PPP1R12B: variants seen among roughly 807,000 people sequenced by gnomAD.
PPP1R12B encodes protein phosphatase 1 regulatory subunit 12B, also known as myosin phosphatase target subunit 2.
Under a neutral mutation model 126.1 loss-of-function variants are expected in PPP1R12B, and 76 were observed. The observed-to-expected ratio is 0.60, with a 90% CI of 0.50 to 0.73. PPP1R12B has a LOEUF of 0.73. Among genes scored for constraint, PPP1R12B ranks in the 30% least tolerant of loss-of-function variants. PPP1R12B has a pLI of 0.00. For synonymous variants in PPP1R12B, 356 were observed against 434.7 expected (o/e 0.82, Z 2.25); for missense variants, 1,052 against 1,205.1 (o/e 0.87, Z 1.88).
chr1:202,365,849 G>A (rs1659114911), intron 1 of PPP1R12B, among the ~76,000 whole-genome samples: 2 of 151,914 alleles, frequency 1.3e-5, no homozygotes, highest in Non-Finnish European at 2.9e-5. Context: ...AATTAGCTGG[G>A]CATGGTGGCA....
At chr1:202,481,480 A>T (rs1461550437) in intron 13 of PPP1R12B, among the ~76,000 whole-genome samples, 8 of 152,210 alleles carry the variant, frequency 5.3e-5, no homozygotes, top group Admixed American at 5.2e-4. Flanking sequence ...AAAGAAATTT[A>T]TGAAAATGTA....
intron 18 of PPP1R12B, among the ~76,000 whole-genome samples, chr1:202,535,580 G>A (rs773956776): frequency 6.6e-6 from 1 of 152,098 alleles, no homozygotes; most frequent in Non-Finnish European, 1.5e-5. Context: ...CTGTTGAGCC[G>A]ACTACCTGGT....
chr1:202,386,468 A>C (rs1269929854), intron 1 of PPP1R12B, among the ~76,000 whole-genome samples: 1 of 152,012 alleles, frequency 6.6e-6, no homozygotes, highest in East Asian at 1.9e-4. Context: ...AGTAGCTGGG[A>C]CTACAGGTGC....
intron 18 of PPP1R12B, among the ~76,000 whole-genome samples, chr1:202,525,731 G>A (rs1180257086): frequency 1.3e-5 from 2 of 151,192 alleles, no homozygotes; most frequent in Non-Finnish European, 2.9e-5. Flanking sequence ...GTCTTGCTCT[G>A]TTGCCCAGGC....
intron 13 of PPP1R12B, among the ~76,000 whole-genome samples, chr1:202,456,277 AAAAGAAAGAAAG>A (rs530699602): frequency 1.3e-4 from 19 of 151,914 alleles, no homozygotes; most frequent in Admixed American, 2.6e-4. Flanking sequence ...TCAAAAAAAA[AAAAGAAAGAAAG>A]AAAGAAAGAA....
At chr1:202,563,013 G>A in intron 20 of PPP1R12B, 91 bp downstream of exon 20, 1 of 1,358,860 alleles carries the variant, frequency 7.4e-7, no homozygotes, top group Non-Finnish European at 9.8e-7. Flanking sequence ...CCATAGCTCT[G>A]AATAAGCAGA....
At position 202,588,874 on chromosome 1, in the gene PPP1R12B, T is replaced by G. The variant is rs913035697; in HGVS notation, c.*8314T>G. 2 of 104,570 alleles carry G rather than the reference T, an allele frequency of 1.9e-5. No homozygotes were observed. Among genetic ancestry groups the G allele is most frequent in the African/African-American group, 7.2e-5 (2 of 27,624 alleles). The allele number at this position is 104,570 out of a possible 1,614,324, so 6.5% of individuals were successfully genotyped here. A position where few individuals can be genotyped will look rare whatever the true frequency, so the allele number is the denominator to read the frequency against. On this transcript the variant is annotated 3_prime_UTR_variant, in exon 24 of 24. Coordinates refer to ENST00000608999, the MANE Select transcript of PPP1R12B (RefSeq NM_002481.4). ...AGATAGATAGATAGATAGATAGATA[T>G]CAAGGTTCCAAGCTTCAAGTAACCA...
chr1:202,408,011 A>T (rs1666850308), intron 1 of PPP1R12B, among the ~76,000 whole-genome samples: 2 of 152,332 alleles, frequency 1.3e-5, no homozygotes, highest in East Asian at 3.9e-4. Context: ...TCTAGAGATG[A>T]TTTAAAGTAT....
chr1:202,446,191 G>A (rs1404025604), intron 12 of PPP1R12B, among the ~76,000 whole-genome samples: 2 of 135,318 alleles, frequency 1.5e-5, no homozygotes, highest in Non-Finnish European at 3.2e-5. Context: ...ACATAGAGAG[G>A]TTATTATTAC....
chr1:202,438,447 G>A (rs927740251), intron 10 of PPP1R12B: 7 of 438,422 alleles, frequency 1.6e-5, no homozygotes, highest in Non-Finnish European at 3.0e-5. Context: ...CTCCTGCCAG[G>A]GTCCCACCGC....
chr1:202,528,847 A>G (rs1683627349), intron 18 of PPP1R12B, among the ~76,000 whole-genome samples: 1 of 151,984 alleles, frequency 6.6e-6, no homozygotes, highest in South Asian at 2.1e-4. Context: ...TTTCAAATGT[A>G]TACATATATT....
intron 2 of PPP1R12B, among the ~76,000 whole-genome samples, chr1:202,422,003 A>G (rs1228423172): frequency 6.6e-6 from 1 of 152,260 alleles, no homozygotes; most frequent in Non-Finnish European, 1.5e-5. Context: ...ATATAATTTT[A>G]TGTGAAAGCA....
At chr1:202,557,151 C>A (rs1311131884) in intron 18 of PPP1R12B, among the ~76,000 whole-genome samples, 1 of 152,120 alleles carries the variant, frequency 6.6e-6, no homozygotes, top group Non-Finnish European at 1.5e-5. Context: ...CCATGCCCAG[C>A]TAACTTCTTA....
intron 2 of PPP1R12B, 98 bp downstream of exon 2, chr1:202,417,015 A>T: frequency 7.5e-7 from 1 of 1,339,706 alleles, no homozygotes; most frequent in Non-Finnish European, 9.9e-7. Flanking sequence ...AATAGTTATA[A>T]TCTCTCTTTA....
intron 13 of PPP1R12B, among the ~76,000 whole-genome samples, chr1:202,474,328 C>T (rs1195202866): frequency 1.3e-5 from 2 of 151,646 alleles, no homozygotes; most frequent in Non-Finnish European, 2.9e-5. Context: ...ACTCTTGTCG[C>T]CCAGGTTGGA....
rs1482373699 is a variant in PPP1R12B, at chr1:202,350,777, C to T, written c.291+1635C>T. ...CTGGGATTACAGGCGCCTGCCACCA[C>T]GCCTAGATAATATTTGTATTTTTAG... On this transcript the variant is annotated intron_variant, in intron 1 of 23. Coordinates refer to ENST00000608999, the MANE Select transcript of PPP1R12B (RefSeq NM_002481.4). Among the ~76,000 whole-genome samples, 7 of 151,880 alleles carry T rather than the reference C, an allele frequency of 4.6e-5. No homozygotes were observed. In the South Asian group the frequency reaches 6.2e-4, roughly 14 times the overall value.
In PPP1R12B at chr1:202,430,738, G is replaced by A; in HGVS notation, c.929G>A (p.Ser310Asn). Residue 310 changes from serine (S) to asparagine (N), a missense_variant, in exon 7 of 24, where the codon AGT (serine) becomes AAT (asparagine). Coordinates refer to ENST00000608999, the MANE Select transcript of PPP1R12B (RefSeq NM_002481.4). Reference sequence around the variant, plus strand: ...TGTTTTCTCCATTTCCAGCTTCGAAGTGAAAAGGAGACACGGAATAAACTC... The same window carrying A: ...TGTTTTCTCCATTTCCAGCTTCGAAATGAAAAGGAGACACGGAATAAACTC... ...LLQKKQNVLR[S>N]EKETRNKLIE... 2 of 1,612,038 alleles carry A rather than the reference G, an allele frequency of 1.2e-6. No individual in the cohort carries two copies. Among genetic ancestry groups the A allele is most frequent in the African/African-American group, 1.3e-5 (1 of 74,978 alleles).
intron 13 of PPP1R12B, among the ~76,000 whole-genome samples, chr1:202,475,638 G>A (rs962968868): frequency 2.6e-5 from 4 of 152,022 alleles, no homozygotes; most frequent in African/African-American, 4.8e-5. Flanking sequence ...TTGTTACTTG[G>A]GTGTTTTAGC....
chr1:202,572,525 TCTC>T (rs1688702938), intron 23 of PPP1R12B, among the ~76,000 whole-genome samples: 1 of 152,164 alleles, frequency 6.6e-6, no homozygotes, highest in African/African-American at 2.4e-5. Flanking sequence ...ATTTATGAAT[TCTC>T]CTCAAGAGAA....
Sources: allele counts gnomAD v4.1 joint callset (sites outside exome capture counted in the v4.1 genomes callset), GRCh38; gene constraint gnomAD v4.1.1; transcripts MANE v1.5; gene names NCBI Gene and HGNC (gene_info 2026-07-23, HGNC 2026-07-21).